Variants in NCAPD2 observed in about 807,000 individuals in gnomAD.
NCAPD2 encodes the protein non-SMC condensin I complex subunit D2.
In NCAPD2, 100 loss-of-function variants were observed where a neutral mutation model predicts 164.5. The observed-to-expected ratio is 0.61, with a 90% confidence interval of 0.52 to 0.72. The LOEUF (loss-of-function observed/expected upper bound fraction) is 0.72, where lower values mean the gene tolerates loss of function less well. Ranked by LOEUF, NCAPD2 falls within the 30% of genes least tolerant of loss-of-function variation. The probability of loss-of-function intolerance (pLI) is 0.00; values close to 1 mark genes in which losing one functional copy is unlikely to be tolerated. For synonymous variants in NCAPD2, 585 were observed against 642.6 expected (o/e 0.91, Z 1.36); for missense variants, 1,560 against 1,749.2 (o/e 0.89, Z 1.93).
intron 27 of NCAPD2, 102 bp downstream of exon 27, chr12:6,529,141 C>T (rs1450277654): frequency 2.0e-6 from 2 of 1,011,420 alleles, no homozygotes; most frequent in Non-Finnish European, 3.0e-6. Context: ...TTTAGCTGTA[C>T]AGCCTTCGGC....
In NCAPD2 at chr12:6,521,008, G is replaced by A. The variant is rs139063293; in HGVS notation, c.1612G>A (p.Glu538Lys). 2.5e-6 allele frequency: 4 copies of A among 1,613,996 alleles called. No homozygotes were observed. In the East Asian group the frequency reaches 8.9e-5, roughly 36 times the overall value. ...SYKKAIILTR[E>K]ATGHFQESEP... is the part of the protein sequence containing the mutation. ...CAGAAAGGCCATCATTCTCACTCGAGAAGCCACAGGCCACTTCCAGGAGTC... is the reference window on the plus strand; with the variant it reads ...CAGAAAGGCCATCATTCTCACTCGAAAAGCCACAGGCCACTTCCAGGAGTC... Residue 538 changes from glutamate to lysine, a missense_variant, in exon 14 of 32, where the codon GAA (glutamate) becomes AAA (lysine). Glu to Lys is a moderately conservative substitution (Grantham distance 56). Transcript: ENST00000315579.
chr12:6,527,466 G>A (rs1177325788), intron 22 of NCAPD2, among the ~76,000 whole-genome samples: 1 of 152,208 alleles, frequency 6.6e-6, no homozygotes, highest in East Asian at 1.9e-4. Flanking sequence ...TTGCAGCGCT[G>A]GAGAAAAGTC....
chr12:6,501,893 T>C (rs977068461), intron 2 of NCAPD2, among the ~76,000 whole-genome samples: 3 of 152,214 alleles, frequency 2.0e-5, no homozygotes, highest in African/African-American at 7.2e-5. Context: ...ACTGGATTTA[T>C]TGATGTCATA....
intron 10 of NCAPD2, 30 bp downstream of exon 10, chr12:6,517,055 T>C (rs573412588): frequency 1.9e-6 from 3 of 1,606,764 alleles, no homozygotes; most frequent in African/African-American, 2.7e-5. Context: ...CAAAAACATA[T>C]GGTACCTCTC....
rs772347389 is a variant in NCAPD2, at chr12:6,526,306, AC to A, written c.2508del (p.Phe837SerfsTer36). The A allele has an allele frequency of 1.7e-5, 28 of 1,613,410 alleles. No individual in the cohort carries two copies. Among genetic ancestry groups the A allele is most frequent in the Admixed American group, 5.0e-5 (3 of 59,920 alleles). ...CCACAGCCTTCTCTGGGCAAACGTCACCCCCCCTTCCGGCTGCCTCAGGAAC... is the reference window on the plus strand; with the variant it reads ...CCACAGCCTTCTCTGGGCAAACGTCACCCCCCTTCCGGCTGCCTCAGGAAC... ...DRRKPSLGKR[H>X]PPFRLPQEHR... is the part of the protein sequence containing the mutation. On this transcript the variant is annotated frameshift_variant, in exon 20 of 32. Transcript: ENST00000315579. LOFTEE classifies it high-confidence loss of function.
At chr12:6,496,690 G>T (rs1408015485) in intron 2 of NCAPD2, among the ~76,000 whole-genome samples, 1 of 151,424 alleles carries the variant, frequency 6.6e-6, no homozygotes, top group Non-Finnish European at 1.5e-5. Flanking sequence ...CTCCCAAAGT[G>T]CTGGGATTGC....
At chr12:6,511,283 T>C (rs767835609) in intron 6 of NCAPD2, 31 bp downstream of exon 6, 84 of 1,603,618 alleles carry the variant, frequency 5.2e-5, no homozygotes, top group Non-Finnish European at 6.5e-5. Flanking sequence ...CAGATAATAC[T>C]GAGCTGTGAG....
intron 27 of NCAPD2, 42 bp downstream of exon 27, chr12:6,529,081 C>A (rs112115785): frequency 6.4e-7 from 1 of 1,552,096 alleles, no homozygotes; most frequent in East Asian, 2.2e-5. Context: ...CCACATAGCA[C>A]GGGCTTAGGA....
chr12:6,526,246 T>A, intron 19 of NCAPD2, 41 bp from the exon 20 acceptor site: 2 of 1,614,104 alleles, frequency 1.2e-6, no homozygotes, highest in Non-Finnish European at 1.7e-6. Flanking sequence ...GATTCTCGTG[T>A]CCACCCTGTA....
chr12:6,530,257 G>A (rs1200917018), intron 29 of NCAPD2, among the ~76,000 whole-genome samples: 2 of 152,214 alleles, frequency 1.3e-5, no homozygotes, highest in East Asian at 3.8e-4. Flanking sequence ...AGTACAGGGA[G>A]TTCCCTTCTA....
chr12:6,527,905 C>T lies in NCAPD2; in HGVS notation c.3019+17C>T. ...TGTTGGATGGTAAGAAAAATGGCTG[C>T]ACTCAGCAGTTTCTTCCCAATTAAG... On this transcript the variant is annotated intron_variant, in intron 23 of 31. Transcript: ENST00000315579. 3 of 1,613,876 alleles carry T rather than the reference C, an allele frequency of 1.9e-6. No homozygotes were observed. Among genetic ancestry groups the T allele is most frequent in the South Asian group, 1.1e-5 (1 of 91,072 alleles).
At position 6,528,702 on chromosome 12, in the gene NCAPD2, T is replaced by C. The variant is rs1003430222; in HGVS notation, c.3323T>C (p.Val1108Ala). The C allele has an allele frequency of 1.2e-5, 19 of 1,613,124 alleles. No individual in the cohort carries two copies. Among genetic ancestry groups the C allele is most frequent in the Admixed American group, 5.0e-5 (3 of 59,990 alleles). Residue 1108 changes from valine to alanine, a missense_variant, in exon 26 of 32, where the codon GTG (valine) becomes GCG (alanine). Val to Ala is a moderately conservative substitution (Grantham distance 64, BLOSUM62 0). Coordinates refer to ENST00000315579, the MANE Select transcript of NCAPD2 (RefSeq NM_014865.4). This position sits in a 1 kb window ranked among gnomAD's most constrained non-coding sequence, Gnocchi z 5.1. Reference sequence around the variant, plus strand: ...AGTCTCCGGGACCCTGCTCAGCAAGTGCGGAAAACAGCGGGGCTGGTGATG... The same window carrying C: ...AGTCTCCGGGACCCTGCTCAGCAAGCGCGGAAAACAGCGGGGCTGGTGATG... ...YARLRDPAQQ[V>A]RKTAGLVMTH... is the part of the protein sequence containing the mutation.
chr12:6,499,565 A>G (rs1264556530), intron 2 of NCAPD2, among the ~76,000 whole-genome samples: 1 of 151,772 alleles, frequency 6.6e-6, no homozygotes, highest in East Asian at 1.9e-4. Flanking sequence ...TTTTTTTTGT[A>G]TTTTTTAGTA....
chr12:6,531,092 C>G lies in NCAPD2; in HGVS notation c.4120+16C>G. 6.2e-7 allele frequency: 1 copy of G among 1,612,572 alleles called. No homozygotes were observed. The highest frequency in any genetic ancestry group is 8.5e-7 in the Non-Finnish European group (1 of 1,179,926). ...AGTGAGGAAGGTATGATGCTCCCGCCTGTTCCCGGCCGAGAAGGCACACAG... is the reference window on the plus strand; with the variant it reads ...AGTGAGGAAGGTATGATGCTCCCGCGTGTTCCCGGCCGAGAAGGCACACAG... On this transcript the variant is annotated intron_variant, in intron 31 of 31. Transcript: ENST00000315579. The surrounding 1 kb of genome is among the most constrained non-coding windows in gnomAD (Gnocchi z 4.1).
chr12:6,495,721 A>G (rs1945974692), intron 2 of NCAPD2, among the ~76,000 whole-genome samples: 1 of 152,192 alleles, frequency 6.6e-6, no homozygotes, highest in African/African-American at 2.4e-5. Context: ...GATCAAAAGC[A>G]CCTTTTGCAT....
intron 21 of NCAPD2, 62 bp from the exon 22 acceptor site, chr12:6,526,829 T>C: frequency 6.5e-7 from 1 of 1,538,190 alleles, no homozygotes; most frequent in South Asian, 1.2e-5. Flanking sequence ...AAAAATCGGA[T>C]TCAGGTTTGA....
In NCAPD2 at chr12:6,517,035, T is replaced by C; in HGVS notation, c.1185+10T>C. 2 of 1,613,996 alleles carry C rather than the reference T, an allele frequency of 1.2e-6. No homozygotes were observed. Among genetic ancestry groups the C allele is most frequent in the South Asian group, 2.2e-5 (2 of 91,072 alleles). On this transcript the variant is annotated intron_variant, in intron 10 of 31. Transcript: ENST00000315579. Reference sequence around the variant, plus strand: ...AATTGTCCAGCAGAAGGTAACCAACTTCTATGTGGCAAAAACATATGGTAC... The same window carrying C: ...AATTGTCCAGCAGAAGGTAACCAACCTCTATGTGGCAAAAACATATGGTAC...
At chr12:6,517,170 A>T (rs1041405620) in intron 10 of NCAPD2, 145 bp downstream of exon 10, 15 of 1,238,836 alleles carry the variant, frequency 1.2e-5, no homozygotes, top group Non-Finnish European at 1.7e-5. Context: ...TTCCTCTACC[A>T]AGGACGAGGA....
intron 27 of NCAPD2, 24 bp downstream of exon 27, chr12:6,529,063 C>G (rs1377363214): frequency 1.3e-6 from 2 of 1,582,120 alleles, no homozygotes; most frequent in East Asian, 2.2e-5. Context: ...GGCCCTGGGG[C>G]ACATTTTCCA....
Sources: allele counts gnomAD v4.1 joint callset (sites outside exome capture counted in the v4.1 genomes callset), GRCh38; gene constraint gnomAD v4.1.1; non-coding constraint Gnocchi (gnomAD v3.1); transcripts MANE v1.5; gene names NCBI Gene and HGNC (gene_info 2026-07-23, HGNC 2026-07-21).